The following GABRB1 variants were observed in gnomAD, a reference collection of about 807,000 sequenced individuals.
GABRB1 encodes gamma-aminobutyric acid receptor subunit beta-1.
A neutral mutation model predicts 51.6 loss-of-function variants in GABRB1; 17 were observed. That is an observed-to-expected ratio of 0.33 (90% CI 0.23 to 0.49). GABRB1 has a LOEUF of 0.49. GABRB1 is among the 20% of genes least tolerant of loss of function. The probability of loss-of-function intolerance (pLI) is 0.99; values close to 1 mark genes in which losing one functional copy is unlikely to be tolerated. For synonymous variants in GABRB1, 247 were observed against 218.9 expected (o/e 1.13, Z -1.14); for missense variants, 410 against 600.6 (o/e 0.68, Z 3.32).
chr4:47,350,475 A>C (rs1267861948), intron 5 of GABRB1, among the ~76,000 whole-genome samples: 2 of 151,894 alleles, frequency 1.3e-5, no homozygotes, highest in Non-Finnish European at 2.9e-5. Flanking sequence ...GGGTCATTAC[A>C]TTACCCTATG....
chr4:47,368,827 G>C (rs928352923), intron 5 of GABRB1, among the ~76,000 whole-genome samples: 1 of 151,998 alleles, frequency 6.6e-6, no homozygotes, highest in Admixed American at 6.5e-5. Context: ...GTTGCTCTTG[G>C]CCAGGCATGG....
At chr4:47,365,040 G>T (rs1726928660) in intron 5 of GABRB1, among the ~76,000 whole-genome samples, 1 of 152,134 alleles carries the variant, frequency 6.6e-6, no homozygotes. Flanking sequence ...GGTATAACAG[G>T]GAAACAAAAG....
At chr4:47,426,439 AAAAAAAAAC>A (rs1379249583) in exon 9 of GABRB1, 1 of 152,186 alleles carries the variant, frequency 6.6e-6, no homozygotes, top group African/African-American at 2.4e-5. Flanking sequence ...AAAAAAAAAA[AAAAAAAAAC>A]ATAAAAAAAA....
chr4:47,266,158 G>A (rs151016187), intron 4 of GABRB1, among the ~76,000 whole-genome samples: 1 of 152,172 alleles, frequency 6.6e-6, no homozygotes, highest in East Asian at 1.9e-4. Context: ...CTCTGCATAT[G>A]ACTATCTAAT....
intron 4 of GABRB1, among the ~76,000 whole-genome samples, chr4:47,236,733 T>A (rs1023890436): frequency 1.3e-5 from 2 of 152,196 alleles, no homozygotes; most frequent in African/African-American, 2.4e-5. Context: ...CAATGTTCAA[T>A]CCTGGTGAGC....
chr4:47,366,195 C>A (rs1726975667), intron 5 of GABRB1, among the ~76,000 whole-genome samples: 2 of 152,156 alleles, frequency 1.3e-5, no homozygotes. Flanking sequence ...GACTTCCTTT[C>A]TTGTCCAAAT....
intron 4 of GABRB1, among the ~76,000 whole-genome samples, chr4:47,277,993 T>C (rs1723149019): frequency 6.6e-6 from 1 of 152,182 alleles, no homozygotes; most frequent in South Asian, 2.1e-4. Context: ...AAGGGATCTA[T>C]GACACAGAAA....
At chr4:47,184,117 C>T (rs887242896) in intron 4 of GABRB1, among the ~76,000 whole-genome samples, 108 of 152,006 alleles carry the variant, frequency 7.1e-4, no homozygotes, top group African/African-American at 2.5e-3. Flanking sequence ...GTGACCACAC[C>T]TGGTCACTCT....
intron 4 of GABRB1, among the ~76,000 whole-genome samples, chr4:47,226,804 T>C (rs1420685451): frequency 1.3e-5 from 2 of 152,200 alleles, no homozygotes; most frequent in African/African-American, 4.8e-5. Context: ...AAATTGTAGC[T>C]GTAAGCAATG....
intron 1 of GABRB1, among the ~76,000 whole-genome samples, chr4:47,002,977 C>T (rs1215770678): frequency 6.6e-6 from 1 of 151,972 alleles, no homozygotes; most frequent in East Asian, 1.9e-4. Flanking sequence ...AAAAGTATAC[C>T]ACAAAAAGTT....
intron 4 of GABRB1, among the ~76,000 whole-genome samples, chr4:47,249,846 G>A (rs985132400): frequency 6.6e-6 from 1 of 152,074 alleles, no homozygotes; most frequent in Non-Finnish European, 1.5e-5. Context: ...TCTCCTGAAG[G>A]CAGCAGATAG....
At chr4:47,035,330 A>G (rs1188360393) in intron 3 of GABRB1, among the ~76,000 whole-genome samples, 1 of 152,180 alleles carries the variant, frequency 6.6e-6, no homozygotes, top group African/African-American at 2.4e-5. Context: ...AAGAAACAAA[A>G]GCAATCTTTA....
In GABRB1 at chr4:47,059,425, C is replaced by T. The variant is rs79490579; in HGVS notation, c.240+26941C>T. On this transcript the variant is annotated intron_variant, in intron 3 of 8. Coordinates refer to ENST00000295454, the MANE Select transcript of GABRB1 (RefSeq NM_000812.4). ...GGGCTCAAGCAGTCCTTCCATTTCA[C>T]CCTACTGAGTAACTGGGACTACAGG... Among the ~76,000 whole-genome samples, 598 of 152,254 alleles carry T rather than the reference C, an allele frequency of 3.9e-3. 5 individuals carry two copies. Among genetic ancestry groups the T allele is most frequent in the Non-Finnish European group, 6.0e-3 (408 of 68,028 alleles).
At chr4:47,390,763 A>C (rs1050814962) in intron 5 of GABRB1, among the ~76,000 whole-genome samples, 1 of 152,144 alleles carries the variant, frequency 6.6e-6, no homozygotes, top group Admixed American at 6.5e-5. Context: ...TGATGTTCTC[A>C]CTCTGTGGCA....
chr4:47,083,420 C>T (rs1429813160), intron 3 of GABRB1, among the ~76,000 whole-genome samples: 8 of 152,198 alleles, frequency 5.3e-5, no homozygotes, highest in East Asian at 3.9e-4. Flanking sequence ...TCATTTATGG[C>T]GACTTACAGA....
chr4:47,334,751 C>T (rs540839750), intron 5 of GABRB1, among the ~76,000 whole-genome samples: 9 of 152,274 alleles, frequency 5.9e-5, no homozygotes, highest in East Asian at 1.9e-4. Context: ...CACAAGTTTT[C>T]CCGACTTTAT....
At chr4:47,131,762 G>GA (rs1354684531) in intron 3 of GABRB1, among the ~76,000 whole-genome samples, 1 of 152,148 alleles carries the variant, frequency 6.6e-6, no homozygotes, top group African/African-American at 2.4e-5. Flanking sequence ...AATTCTGCAT[G>GA]AATTTGTGCA....
At chr4:47,063,259 T>C (rs1316029697) in intron 3 of GABRB1, among the ~76,000 whole-genome samples, 1 of 152,170 alleles carries the variant, frequency 6.6e-6, no homozygotes, top group Non-Finnish European at 1.5e-5. Flanking sequence ...TTGAAGCTTA[T>C]GCCATTTGAG....
Position 47,426,428 on chromosome 4 carries a change from C to CAAAAAAAAAAAAAAAA in GABRB1, c.*414_*429dup, listed in dbSNP as rs59682924. 2 of 84,822 alleles carry CAAAAAAAAAAAAAAAA rather than the reference C, an allele frequency of 2.4e-5. No individual in the cohort carries two copies. The highest frequency in any genetic ancestry group is 5.2e-5 in the Non-Finnish European group (2 of 38,394). The allele number at this position is 84,822 out of a possible 1,614,324, so 5.3% of individuals were successfully genotyped here. A position where few individuals can be genotyped will look rare whatever the true frequency, so the allele number is the denominator to read the frequency against. ...GTAAACTATAACAAACTTATGCTGC[C>CAAAAAAAAAAAAAAAA]AAAAAAAAAAAAAAAAAAACATAAA... is the stretch of plus-strand genomic sequence containing the variant. On this transcript the variant is annotated 3_prime_UTR_variant, in exon 9 of 9. Transcript: ENST00000295454.
Sources: allele counts gnomAD v4.1 joint callset (sites outside exome capture counted in the v4.1 genomes callset), GRCh38; gene constraint gnomAD v4.1.1; transcripts MANE v1.5; gene names NCBI Gene and HGNC (gene_info 2026-07-23, HGNC 2026-07-21).